The following VAV1 variants were observed in gnomAD, a reference collection of about 807,000 sequenced individuals.
The protein encoded by VAV1 is proto-oncogene vav.
In VAV1, 33 loss-of-function variants were observed where a neutral mutation model predicts 128.1. The ratio of observed to expected loss-of-function variants is 0.26; its 90% CI spans 0.20 to 0.34. VAV1 has a LOEUF of 0.34. Ranked by LOEUF, VAV1 falls within the 10% of genes least tolerant of loss-of-function variation. The pLI, the probability that VAV1 is intolerant of heterozygous loss-of-function variation, is 1.00. For synonymous variants in VAV1, 394 were observed against 409.8 expected, an observed-to-expected ratio of 0.96 and a Z score of 0.47; for missense variants, 715 against 1,093.7, an observed-to-expected ratio of 0.65 and a Z score of 4.88.
chr19:6,816,059 G>C (rs554222959), intron 1 of VAV1, among the ~76,000 whole-genome samples: 1 of 139,298 alleles, frequency 7.2e-6, no homozygotes, highest in Admixed American at 7.6e-5. Flanking sequence ...TCGCTCTGTC[G>C]CCCAGGCTGG....
At chr19:6,797,886 G>A (rs113069125) in intron 1 of VAV1, among the ~76,000 whole-genome samples, 71 of 151,568 alleles carry the variant, frequency 4.7e-4, no homozygotes, top group African/African-American at 1.6e-3. Flanking sequence ...GTCATCCTAT[G>A]CACCTAGTTT....
intron 1 of VAV1, among the ~76,000 whole-genome samples, chr19:6,780,550 C>CTTTT (rs58349709): frequency 0.32 from 47,313 of 148,386 alleles, 9,952 homozygotes; most frequent in African/African-American, 0.53. Context: ...TAAAAGATTG[C>CTTTT]CTTCTCCTTT....
At position 6,814,860 on chromosome 19, in the gene VAV1, T is replaced by C. The variant is rs545304797; in HGVS notation, c.205-5842T>C. Among the ~76,000 whole-genome samples the C allele has an allele frequency of 9.9e-5, 15 of 151,912 alleles. No homozygotes were observed. In the South Asian group the frequency reaches 2.9e-3, roughly 29 times the overall value. The stretch of plus-strand genomic sequence containing the variant: ...GGGAATCTTTTCAACATCTCATTAT[T>C]AAGTACAGTGTTTCGGTCTAGGTTT... On this transcript the variant is annotated intron_variant, in intron 1 of 26. Transcript: ENST00000602142.
At chr19:6,818,838 G>A (rs753491603) in intron 1 of VAV1, among the ~76,000 whole-genome samples, 9 of 152,136 alleles carry the variant, frequency 5.9e-5, no homozygotes, top group East Asian at 1.9e-4. Flanking sequence ...CAAACTGGCC[G>A]GGCGTGGTGG....
chr19:6,814,334 T>G (rs537476587), intron 1 of VAV1, among the ~76,000 whole-genome samples: 1 of 152,298 alleles, frequency 6.6e-6, no homozygotes, highest in East Asian at 1.9e-4. Flanking sequence ...TTCCATCACT[T>G]GTGGCCTCTC....
intron 1 of VAV1, among the ~76,000 whole-genome samples, chr19:6,811,637 C>T (rs1971514465): frequency 6.6e-6 from 1 of 152,052 alleles, no homozygotes; most frequent in Non-Finnish European, 1.5e-5. Flanking sequence ...GAACTTTTAG[C>T]CCAGACAGCA....
chr19:6,824,945 C>T (rs958939979), intron 6 of VAV1, 108 bp from the exon 7 acceptor site: 30 of 1,174,426 alleles, frequency 2.6e-5, no homozygotes, highest in Middle Eastern at 2.0e-4. Context: ...TGTGTGGACG[C>T]GCTGCCTCTC....
At chr19:6,774,427 CT>C (rs1002823385) in intron 1 of VAV1, among the ~76,000 whole-genome samples, 7,573 of 91,548 alleles carry the variant, frequency 0.083, 305 homozygotes, top group Non-Finnish European at 0.1. Context: ...CGCGCCCAGC[CT>C]TTTTTTTTTT....
intron 1 of VAV1, among the ~76,000 whole-genome samples, chr19:6,795,497 ATTAATTTTAT>A (rs1971113416): frequency 7.7e-6 from 1 of 130,448 alleles, no homozygotes; most frequent in African/African-American, 3.0e-5. Context: ...TATTTATTGA[ATTAATTTTAT>A]TTATAACTCT....
rs1266230712 is a variant in VAV1 at position 6,857,148 on chromosome 19, TGAGCCCGGCGTGGGCAGGCA to T, written c.*43_*62del. 1 of 1,612,956 alleles carries T rather than the reference TGAGCCCGGCGTGGGCAGGCA, an allele frequency of 6.2e-7. No homozygotes were observed. The highest frequency in any genetic ancestry group is 1.7e-5 in the Admixed American group (1 of 59,930). On this transcript the variant is annotated 3_prime_UTR_variant, in exon 27 of 27. Coordinates refer to ENST00000602142, the MANE Select transcript of VAV1 (RefSeq NM_005428.4). The stretch of plus-strand genomic sequence containing the variant: ...CAGAGAGACGAGAAACTCCAGGCTC[TGAGCCCGGCGTGGGCAGGCA>T]GCGGAGCCAGGGGCTGTGACAGCTC...
Position 6,857,242 on chromosome 19 carries a change from T to C in VAV1, c.*135T>C. 1 of 1,226,066 alleles carries C rather than the reference T, an allele frequency of 8.2e-7. No individual in the cohort carries two copies. The highest frequency in any genetic ancestry group is 1.1e-6 in the Non-Finnish European group (1 of 886,348). The allele number at this position is 1,226,066 out of a possible 1,614,324, so 75.9% of individuals were successfully genotyped here. A position where few individuals can be genotyped will look rare whatever the true frequency, so the allele number is the denominator to read the frequency against. On this transcript the variant is annotated 3_prime_UTR_variant, in exon 27 of 27. Transcript: ENST00000602142. ...GGACTGGAGGAGGCCAGCGTCCAGCTGGCGGTGCTCCCGGGATGTGCCCTG... is the reference window on the plus strand; with the variant it reads ...GGACTGGAGGAGGCCAGCGTCCAGCCGGCGGTGCTCCCGGGATGTGCCCTG...
At chr19:6,816,800 C>G (rs979897538) in intron 1 of VAV1, among the ~76,000 whole-genome samples, 2 of 150,592 alleles carry the variant, frequency 1.3e-5, no homozygotes, top group African/African-American at 2.4e-5. Flanking sequence ...CCATCTCTAG[C>G]AAAAAATACA....
intron 1 of VAV1, among the ~76,000 whole-genome samples, chr19:6,785,407 C>T (rs890961713): frequency 1.3e-5 from 2 of 152,148 alleles, no homozygotes; most frequent in African/African-American, 4.8e-5. Flanking sequence ...TCTCAGCTCA[C>T]TGCAACCTCT....
chr19:6,780,089 C>A (rs528060585), intron 1 of VAV1, among the ~76,000 whole-genome samples: 1 of 144,578 alleles, frequency 6.9e-6, no homozygotes, highest in Admixed American at 6.9e-5. Context: ...CCAGCCTGGG[C>A]GACAGAGCAA....
intron 1 of VAV1, among the ~76,000 whole-genome samples, chr19:6,799,506 G>C (rs1444826220): frequency 6.6e-6 from 1 of 152,046 alleles, no homozygotes; most frequent in African/African-American, 2.4e-5. Context: ...AGAACGTGCA[G>C]GTTTGTTACA....
chr19:6,822,390 C>T lies in VAV1; in HGVS notation c.559-29C>T. On this transcript the variant is annotated intron_variant, in intron 5 of 26. Transcript: ENST00000602142. The surrounding 1 kb of genome is among the most constrained non-coding windows in gnomAD (Gnocchi z 5.9). The stretch of plus-strand genomic sequence containing the variant: ...TGGGCGGGGGGCAGCCCCAGGCCCC[C>T]CAACACCGGCCTCTCCCCTCGCTCT... The T allele has an allele frequency of 1.9e-6, 3 of 1,553,448 alleles. No individual in the cohort carries two copies. Among genetic ancestry groups the T allele is most frequent in the Non-Finnish European group, 2.6e-6 (3 of 1,149,746 alleles).
In VAV1 at chr19:6,780,051, C is replaced by T. The variant is rs372629365; in HGVS notation, c.204+7040C>T. Among the ~76,000 whole-genome samples the T allele has an allele frequency of 6.3e-4, 93 of 147,906 alleles. 2 individuals are homozygous for T. The East Asian group carries it at 0.017, about 28-fold the overall frequency. ...GCATGAACCTGGGAGGCGGAGCTTG[C>T]AGTGAGCCGAGATCAGGCCACTGCA... On this transcript the variant is annotated intron_variant, in intron 1 of 26. Transcript: ENST00000602142.
Position 6,822,222 on chromosome 19 carries a change from G to C in VAV1, c.451G>C (p.Asp151His). Residue 151 changes from aspartate to histidine, a missense_variant and splice_region_variant, in exon 5 of 27, where the codon GAC (aspartate) becomes CAC (histidine). This residue lies in a region of VAV1 where 302 missense variants were observed against 477.8 expected (regional missense o/e 0.63). Coordinates refer to ENST00000602142, the MANE Select transcript of VAV1 (RefSeq NM_005428.4). This position sits in a 1 kb window ranked among gnomAD's most constrained non-coding sequence, Gnocchi z 5.9. ...IYSGLSDQID[D>H]TVEEDEDLYD... ...GATCCCTGACCTCACAACCCACAGC[G>C]ACACGGTGGAGGAGGATGAGGACCT... The C allele has an allele frequency of 6.3e-7, 1 of 1,577,580 alleles. No homozygotes were observed. The highest frequency in any genetic ancestry group is 8.6e-7 in the Non-Finnish European group (1 of 1,162,580).
chr19:6,841,192 G>A (rs906990710), intron 21 of VAV1, among the ~76,000 whole-genome samples: 1 of 152,084 alleles, frequency 6.6e-6, no homozygotes, highest in Non-Finnish European at 1.5e-5. Context: ...TAGGATTACA[G>A]GCATGAGCCA....
Sources: allele counts gnomAD v4.1 joint callset (sites outside exome capture counted in the v4.1 genomes callset), GRCh38; gene constraint gnomAD v4.1.1; regional missense constraint gnomAD v4.1.1; non-coding constraint Gnocchi (gnomAD v3.1); transcripts MANE v1.5; gene names NCBI Gene and HGNC (gene_info 2026-07-23, HGNC 2026-07-21).